Variants in CDH13 observed in about 807,000 individuals in gnomAD.
CDH13 encodes the protein cadherin-13.
CDH13 carries 24 observed loss-of-function variants against 63.8 expected under a neutral mutation model. That is an observed-to-expected ratio of 0.38 (90% confidence interval 0.27 to 0.53). The LOEUF (loss-of-function observed/expected upper bound fraction) is 0.53, where lower values mean the gene tolerates loss of function less well. Ranked by LOEUF, CDH13 falls within the 20% of genes least tolerant of loss-of-function variation. The pLI, the probability that CDH13 is intolerant of heterozygous loss-of-function variation, is 0.85. For missense variants in CDH13, 1,049 were observed against 903.1 expected, an observed-to-expected ratio of 1.16 and a Z score of -2.07; for synonymous variants, 503 against 355.3, an observed-to-expected ratio of 1.42 and a Z score of -4.67.
chr16:83,141,599 T>G (rs968849558), intron 4 of CDH13, among the ~76,000 whole-genome samples: 1 of 152,178 alleles, frequency 6.6e-6, no homozygotes, highest in African/African-American at 2.4e-5. Flanking sequence ...TTGCTGCACC[T>G]ATCAACCCAT....
At chr16:83,385,908 A>G (rs556029290) in intron 6 of CDH13, among the ~76,000 whole-genome samples, 12 of 152,328 alleles carry the variant, frequency 7.9e-5, no homozygotes, top group African/African-American at 2.9e-4. Flanking sequence ...ATCTGAAGCT[A>G]CTTTGGGTGG....
At chr16:83,480,288 C>T (rs1050159564) in intron 6 of CDH13, among the ~76,000 whole-genome samples, 1 of 152,160 alleles carries the variant, frequency 6.6e-6, no homozygotes, top group East Asian at 1.9e-4. Context: ...TGCGCTCCAA[C>T]CTAGGTGACA....
chr16:83,606,020 C>T (rs1435899174), intron 8 of CDH13, among the ~76,000 whole-genome samples: 1 of 152,170 alleles, frequency 6.6e-6, no homozygotes, highest in Non-Finnish European at 1.5e-5. Flanking sequence ...GGCTCAGATG[C>T]AGTGGCCTCT....
chr16:82,638,532 T>C (rs1189777122), intron 1 of CDH13, among the ~76,000 whole-genome samples: 1 of 152,214 alleles, frequency 6.6e-6, no homozygotes, highest in East Asian at 1.9e-4. Context: ...TGTATTACTT[T>C]TCACCCTATG....
rs2071819746 is a variant in CDH13 at position 83,424,290 on chromosome 16, G to A, written c.782-62187G>A. 2.0e-5 allele frequency among the ~76,000 whole-genome samples: 3 copies of A among 152,144 alleles called. No homozygotes were observed. The South Asian group carries it at 6.2e-4, about 32-fold the overall frequency. On this transcript the variant is annotated intron_variant, in intron 6 of 13. Transcript: ENST00000567109. Reference sequence around the variant, plus strand: ...AGAAGAGGAAAATCCAACATGGACTGGACAGTCTAGAAGAGGGAAATCCAG... The same window carrying A: ...AGAAGAGGAAAATCCAACATGGACTAGACAGTCTAGAAGAGGGAAATCCAG...
intron 5 of CDH13, among the ~76,000 whole-genome samples, chr16:83,278,580 C>T (rs2089065186): frequency 6.6e-6 from 1 of 152,182 alleles, no homozygotes; most frequent in South Asian, 2.1e-4. Context: ...ACAACAGGCT[C>T]TGGAGGAGAC....
chr16:83,151,478 C>G (rs1366960891), intron 4 of CDH13, among the ~76,000 whole-genome samples: 6 of 152,116 alleles, frequency 3.9e-5, no homozygotes, highest in African/African-American at 1.2e-4. Flanking sequence ...TTGGCTAGAC[C>G]TGGAAACTAG....
intron 1 of CDH13, among the ~76,000 whole-genome samples, chr16:82,783,090 A>T (rs2035841503): frequency 6.6e-6 from 1 of 152,214 alleles, no homozygotes; most frequent in African/African-American, 2.4e-5. Flanking sequence ...GGTGTGGCTC[A>T]ATGTGAGCAA....
At chr16:83,211,652 C>A (rs1483184813) in intron 4 of CDH13, among the ~76,000 whole-genome samples, 1 of 152,134 alleles carries the variant, frequency 6.6e-6, no homozygotes, top group African/African-American at 2.4e-5. Flanking sequence ...ACCGTGAGAA[C>A]ACCCTTAAAA....
chr16:83,729,313 A>G (rs1910782774), intron 10 of CDH13, among the ~76,000 whole-genome samples: 1 of 152,212 alleles, frequency 6.6e-6, no homozygotes, highest in Admixed American at 6.5e-5. Context: ...TATACCATCT[A>G]TAGTAATAAG....
chr16:82,822,861 A>AGT (rs1237644366), intron 1 of CDH13, among the ~76,000 whole-genome samples: 1 of 152,174 alleles, frequency 6.6e-6, no homozygotes, highest in African/African-American at 2.4e-5. Context: ...CGTCTCTCAC[A>AGT]GTGTAGGGAT....
At chr16:83,607,339 G>A (rs761097863) in intron 8 of CDH13, among the ~76,000 whole-genome samples, 2 of 151,972 alleles carry the variant, frequency 1.3e-5, no homozygotes, top group Non-Finnish European at 2.9e-5. Flanking sequence ...AGAATTGCTT[G>A]AACCAGGGAG....
intron 5 of CDH13, among the ~76,000 whole-genome samples, chr16:83,289,139 C>A (rs1405974600): frequency 6.6e-6 from 1 of 152,224 alleles, no homozygotes; most frequent in Non-Finnish European, 1.5e-5. Flanking sequence ...AAAAAAGACA[C>A]ATTTCTGCTG....
intron 1 of CDH13, among the ~76,000 whole-genome samples, chr16:82,790,352 G>A (rs928194420): frequency 1.2e-4 from 19 of 152,084 alleles, no homozygotes; most frequent in Admixed American, 7.8e-4. Context: ...GGAGAATTGC[G>A]TGAACCCGGG....
intron 1 of CDH13, among the ~76,000 whole-genome samples, chr16:82,834,401 T>C (rs1374125947): frequency 1.3e-5 from 2 of 152,152 alleles, no homozygotes; most frequent in African/African-American, 4.8e-5. Flanking sequence ...AGAGCATCTA[T>C]TCAGGGCCAA....
At chr16:83,759,678 G>A (rs920784178) in intron 11 of CDH13, among the ~76,000 whole-genome samples, 3 of 152,084 alleles carry the variant, frequency 2.0e-5, no homozygotes, top group Admixed American at 2.0e-4. Flanking sequence ...TATAATCCCA[G>A]CACCTTGGGA....
chr16:83,015,677 GTA>G (rs71148803), intron 2 of CDH13, among the ~76,000 whole-genome samples: 1,519 of 37,458 alleles, frequency 0.041, 25 homozygotes, highest in Middle Eastern at 0.071. Context: ...GTGTGTGTAT[GTA>G]TATATATATA....
intron 7 of CDH13, among the ~76,000 whole-genome samples, chr16:83,513,733 C>G (rs1487624169): frequency 2.6e-5 from 4 of 152,132 alleles, no homozygotes; most frequent in African/African-American, 9.7e-5. Context: ...CCAGGCCCCT[C>G]CAACAACACA....
chr16:83,685,486 T>C (rs1191669056), intron 10 of CDH13, among the ~76,000 whole-genome samples: 2 of 152,200 alleles, frequency 1.3e-5, no homozygotes, highest in Non-Finnish European at 2.9e-5. Flanking sequence ...CATTCATTCA[T>C]GCCATGGTAT....
Sources: gnomAD v4.1 joint callset for allele counts (sites outside exome capture counted in the v4.1 genomes callset) on GRCh38, gnomAD v4.1.1 for gene constraint, MANE v1.5 for transcripts, NCBI Gene and HGNC (gene_info 2026-07-23, HGNC 2026-07-21) for gene names.